Variants in RBM45 observed in about 807,000 individuals in gnomAD.
RBM45 encodes the protein RNA binding motif protein 45, also known as RNA-binding protein 45.
Under a neutral mutation model 58.5 loss-of-function variants are expected in RBM45, and 39 were observed. The ratio of observed to expected loss-of-function variants is 0.67; its 90% CI spans 0.52 to 0.87. RBM45 has a LOEUF of 0.87. RBM45 is among the 40% of genes least tolerant of loss of function. The pLI is 0.00. For missense variants in RBM45, 481 were observed against 581.6 expected (o/e 0.83, Z 1.78); for synonymous variants, 193 against 203.0 (o/e 0.95, Z 0.42).
At chr2:178,117,345 T>C (rs1256587321) in intron 2 of RBM45, among the ~76,000 whole-genome samples, 1 of 152,148 alleles carries the variant, frequency 6.6e-6, no homozygotes, top group Non-Finnish European at 1.5e-5. Context: ...CTTTAATGTA[T>C]AGTAATTAAG....
chr2:178,127,126 C>T (rs948691458), intron 9 of RBM45, among the ~76,000 whole-genome samples: 8 of 151,990 alleles, frequency 5.3e-5, no homozygotes, highest in African/African-American at 1.7e-4. Flanking sequence ...TTAGTAGAGG[C>T]GGGGTTTCAC....
At chr2:178,126,979 C>T (rs1019315895) in intron 9 of RBM45, among the ~76,000 whole-genome samples, 2 of 151,950 alleles carry the variant, frequency 1.3e-5, no homozygotes, top group African/African-American at 4.8e-5. Flanking sequence ...GTCTGTCACC[C>T]AGGCTGGAGT....
chr2:178,122,125 G>C (rs988421696), intron 5 of RBM45, among the ~76,000 whole-genome samples: 2 of 152,056 alleles, frequency 1.3e-5, no homozygotes, highest in African/African-American at 4.8e-5. Context: ...ATGTAAAATG[G>C]GATCATTGAT....
At chr2:178,128,439 TC>T (rs1255889450) in intron 9 of RBM45, among the ~76,000 whole-genome samples, 1 of 152,184 alleles carries the variant, frequency 6.6e-6, no homozygotes, top group African/African-American at 2.4e-5. Flanking sequence ...CTTTGAGATG[TC>T]CTCTTATCTA....
chr2:178,118,913 A>G (rs1371758161), intron 3 of RBM45, among the ~76,000 whole-genome samples: 2 of 152,204 alleles, frequency 1.3e-5, no homozygotes, highest in Admixed American at 1.3e-4. Flanking sequence ...ATCCTTCTAA[A>G]TTTCTCATTT....
intron 1 of RBM45, among the ~76,000 whole-genome samples, chr2:178,114,154 T>G (rs2087739556): frequency 1.3e-5 from 2 of 152,232 alleles, no homozygotes; most frequent in Non-Finnish European, 2.9e-5. Flanking sequence ...ATACAGTCTC[T>G]GTCACATAAC....
downstream of RBM45, among the ~76,000 whole-genome samples, chr2:178,132,346 A>T (rs2088012238): frequency 6.6e-6 from 1 of 152,220 alleles, no homozygotes. Flanking sequence ...TGTAGATAAA[A>T]AGGTAGTGAA....
chr2:178,120,615 T>C (rs954778509), intron 4 of RBM45, among the ~76,000 whole-genome samples: 5 of 152,144 alleles, frequency 3.3e-5, no homozygotes, highest in Admixed American at 1.3e-4. Context: ...GATTTCTAAT[T>C]ATAGTTTTCT....
Position 178,123,925 on chromosome 2 carries a change from G to T in RBM45, c.1068+13G>T. 4 of 1,603,148 alleles carry T rather than the reference G, an allele frequency of 2.5e-6. No homozygotes were observed. Among genetic ancestry groups the T allele is most frequent in the Non-Finnish European group, 3.4e-6 (4 of 1,170,486 alleles). ...GCAACAATTTATGGTAAGTAGGTAA[G>T]AATTTAACCTTTATAATATATCAAT... On this transcript the variant is annotated intron_variant, in intron 7 of 9. Transcript: ENST00000286070.
intron 3 of RBM45, among the ~76,000 whole-genome samples, chr2:178,119,506 T>C (rs934664742): frequency 5.3e-5 from 8 of 152,228 alleles, no homozygotes; most frequent in African/African-American, 1.7e-4. Context: ...GAACCATATA[T>C]TGGAGGTTAG....
chr2:178,124,360 C>T (rs1436680017), intron 8 of RBM45, 70 bp downstream of exon 8: 8 of 988,616 alleles, frequency 8.1e-6, no homozygotes, highest in Non-Finnish European at 1.2e-5. Context: ...AATCTAGACA[C>T]TTCCTTCACC....
At chr2:178,117,095 T>C (rs1175509589) in intron 2 of RBM45, among the ~76,000 whole-genome samples, 1 of 152,176 alleles carries the variant, frequency 6.6e-6, no homozygotes, top group Non-Finnish European at 1.5e-5. Flanking sequence ...TGAATTGTAG[T>C]TTTTTATCTT....
chr2:178,127,380 A>AT (rs368453965), intron 9 of RBM45, among the ~76,000 whole-genome samples: 113 of 152,008 alleles, frequency 7.4e-4, no homozygotes, highest in African/African-American at 2.6e-3. Context: ...TGAAACCTTT[A>AT]TTTTTTTCAC....
chr2:178,117,281 T>C (rs2087789546), intron 2 of RBM45, among the ~76,000 whole-genome samples: 1 of 152,104 alleles, frequency 6.6e-6, no homozygotes, highest in South Asian at 2.1e-4. Context: ...AGGAAAATGT[T>C]TTTTACCTTA....
Position 178,126,074 on chromosome 2 carries a change from C to T in RBM45, c.1323C>T (p.Ala441=). Residue 441 remains alanine (A), a synonymous_variant, in exon 9 of 10, where the codon GCC becomes GCT. Transcript: ENST00000286070. ...KYADRISAND[A]IATLHGKILN... ...CCGATAGAATAAGTGCTAATGATGC[C>T]ATTGCCACTCTACATGGAAAGATTC... The T allele has an allele frequency of 6.2e-7, 1 of 1,613,392 alleles. No homozygotes were observed. Among genetic ancestry groups the T allele is most frequent in the Non-Finnish European group, 8.5e-7 (1 of 1,179,410 alleles).
intron 3 of RBM45, among the ~76,000 whole-genome samples, chr2:178,119,104 G>A (rs2087815715): frequency 6.6e-6 from 1 of 152,132 alleles, no homozygotes; most frequent in South Asian, 2.1e-4. Context: ...TTGAAAGCAA[G>A]AAGTATGCCT....
chr2:178,118,721 A>G (rs1222087010), intron 3 of RBM45, among the ~76,000 whole-genome samples: 1 of 152,166 alleles, frequency 6.6e-6, no homozygotes, highest in African/African-American at 2.4e-5. Context: ...AAAGATGTCA[A>G]AGAGAATATT....
In RBM45 at chr2:178,118,161, C is replaced by T; in HGVS notation, c.530C>T (p.Ala177Val). 6.2e-7 allele frequency: 1 copy of T among 1,611,202 alleles called. No homozygotes were observed. The change falls in exon 3 of 10, where the codon GCA becomes GTA. Residue 177 changes from alanine to valine, a missense_variant. By Grantham distance (64) the Ala-to-Val change is moderately conservative. Coordinates refer to ENST00000286070, the MANE Select transcript of RBM45 (RefSeq NM_152945.4). ...TTAAAACCATCACAAGCTGCCCAAG[C>T]AATAGAAAACTGTGATCGAAGTAAG... ...RYLKPSQAAQ[A>V]IENCDRSFRA...
intron 3 of RBM45, 128 bp from the exon 4 acceptor site, chr2:178,120,159 G>C: frequency 8.6e-7 from 1 of 1,156,210 alleles, no homozygotes; most frequent in African/African-American, 1.6e-5. Context: ...GTCTGGAGGA[G>C]ATGGCCATTG....
Sources: gnomAD v4.1 joint callset for allele counts (sites outside exome capture counted in the v4.1 genomes callset) on GRCh38, gnomAD v4.1.1 for gene constraint, MANE v1.5 for transcripts, NCBI Gene and HGNC (gene_info 2026-07-23, HGNC 2026-07-21) for gene names.